The following EPCIP variants were observed in gnomAD, a reference collection of about 807,000 sequenced individuals.
The protein encoded by EPCIP is exosomal polycystin-1-interacting protein.
the EPCIP span, chr21:32,794,300 C>G: frequency 6.2e-7 from 1 of 1,614,240 alleles, no homozygotes; most frequent in East Asian, 2.2e-5. Context: ...GCTGCAGTTC[C>G]GAATGGTGTT....
chr21:32,792,915 A>AT, the EPCIP span, among the ~76,000 whole-genome samples: 7,546 of 69,778 alleles, frequency 0.11, 210 homozygotes, highest in East Asian at 0.25. Flanking sequence ...TATTATTATT[A>AT]TTTTTTTTTT....
the EPCIP span, among the ~76,000 whole-genome samples, chr21:32,812,977 A>C: frequency 8.1e-3 from 1,230 of 152,310 alleles, 18 homozygotes; most frequent in African/African-American, 0.027. Context: ...CCAAATGTTA[A>C]TGCTCATCTT....
the EPCIP span, among the ~76,000 whole-genome samples, chr21:32,810,357 G>A: frequency 4.3e-5 from 6 of 138,148 alleles, 1 homozygote; most frequent in African/African-American, 8.1e-5. Flanking sequence ...CCGGGTTCAC[G>A]CCATTCTCCT....
chr21:32,794,343 G>T, the EPCIP span: 2 of 1,614,226 alleles, frequency 1.2e-6, no homozygotes, highest in Non-Finnish European at 1.7e-6. Context: ...CTGTTCTTCT[G>T]ACCTTTGGTG....
At chr21:32,796,207 G>A in the EPCIP span, among the ~76,000 whole-genome samples, 25 of 152,300 alleles carry the variant, frequency 1.6e-4, no homozygotes, top group Admixed American at 7.2e-4. Context: ...GGGCTGGGGC[G>A]TCATAGCCCA....
chr21:32,809,316 C>CTTTCTTTA, the EPCIP span, among the ~76,000 whole-genome samples: 1 of 134,060 alleles, frequency 7.5e-6, no homozygotes, highest in Admixed American at 8.0e-5. Flanking sequence ...TTCTTTCTTT[C>CTTTCTTTA]TTTCTTTCTT....
At chr21:32,800,706 C>T in the EPCIP span, among the ~76,000 whole-genome samples, 11 of 152,060 alleles carry the variant, frequency 7.2e-5, no homozygotes, top group Non-Finnish European at 1.5e-5. Context: ...ATCCCAGCTA[C>T]TCAGGAGGCT....
chr21:32,810,508 G>A, the EPCIP span: 13 of 453,262 alleles, frequency 2.9e-5, 1 homozygote, highest in South Asian at 1.7e-4. Flanking sequence ...TGATCCGCCC[G>A]CCTCGGCCTC....
chr21:32,797,062 T>G, the EPCIP span: 1 of 468,348 alleles, frequency 2.1e-6, no homozygotes, highest in Non-Finnish European at 4.4e-6. Flanking sequence ...TTCCCGACAG[T>G]AAGGCCCTGG....
the EPCIP span, among the ~76,000 whole-genome samples, chr21:32,796,365 C>A: frequency 6.6e-6 from 1 of 152,252 alleles, no homozygotes; most frequent in Non-Finnish European, 1.5e-5. Flanking sequence ...AACAAAGATA[C>A]AAAAGACCTG....
chr21:32,809,374 C>T, the EPCIP span, among the ~76,000 whole-genome samples: 2 of 141,596 alleles, frequency 1.4e-5, no homozygotes, highest in Non-Finnish European at 3.1e-5. Context: ...CTCTTCCTTT[C>T]TCTCTCTCTT....
At chr21:32,793,823 GAA>G in the EPCIP span, 1 of 1,614,160 alleles carries the variant, frequency 6.2e-7, no homozygotes, top group Non-Finnish European at 8.5e-7. Flanking sequence ...TCTAAAGTAA[GAA>G]AAGTCAGGAA....
At chr21:32,812,578 A>ATTTT in the EPCIP span, among the ~76,000 whole-genome samples, 1 of 152,192 alleles carries the variant, frequency 6.6e-6, no homozygotes, top group Non-Finnish European at 1.5e-5. Flanking sequence ...AAAAAAAGTA[A>ATTTT]TGAAAAGTCT....
the EPCIP span, among the ~76,000 whole-genome samples, chr21:32,792,411 C>T: frequency 6.6e-6 from 1 of 152,112 alleles, no homozygotes. Flanking sequence ...ATAATTTGAG[C>T]ACTTTTAACA....
chr21:32,805,481 C>A, the EPCIP span, among the ~76,000 whole-genome samples: 1 of 152,068 alleles, frequency 6.6e-6, no homozygotes, highest in African/African-American at 2.4e-5. Flanking sequence ...CCTGCCTCAG[C>A]CTCCTGAATA....
chr21:32,809,083 C>T, the EPCIP span, among the ~76,000 whole-genome samples: 1 of 151,278 alleles, frequency 6.6e-6, no homozygotes, highest in Admixed American at 6.6e-5. Flanking sequence ...CCAGGCATTT[C>T]AGAGATGGAA....
the EPCIP span, among the ~76,000 whole-genome samples, chr21:32,793,372 A>G: frequency 2.0e-5 from 3 of 152,234 alleles, no homozygotes; most frequent in Non-Finnish European, 4.4e-5. Context: ...TTTTGAAAGA[A>G]GATATGTTTC....
At chr21:32,795,571 G>A in the EPCIP span, among the ~76,000 whole-genome samples, 10 of 152,188 alleles carry the variant, frequency 6.6e-5, no homozygotes, top group South Asian at 8.3e-4. Context: ...CTTGGCATGC[G>A]ACCTCTGAGT....
the EPCIP span, among the ~76,000 whole-genome samples, chr21:32,812,320 G>A: frequency 7.2e-5 from 11 of 152,100 alleles, no homozygotes; most frequent in African/African-American, 2.7e-4. Context: ...TTGGTCCCAC[G>A]CCCACAGAAC....
Sources: gnomAD v4.1 joint callset for allele counts (sites outside exome capture counted in the v4.1 genomes callset) on GRCh38, gnomAD v4.1.1 for gene constraint, MANE v1.5 for transcripts, NCBI Gene and HGNC (gene_info 2026-07-23, HGNC 2026-07-21) for gene names.